VWA2: variants seen among roughly 807,000 people sequenced by gnomAD.
VWA2 encodes the protein von Willebrand factor A domain-containing protein 2.
In VWA2, 73 loss-of-function variants were observed where a neutral mutation model predicts 70.4. The observed-to-expected ratio is 1.04, with a 90% CI of 0.86 to 1.26. The LOEUF (loss-of-function observed/expected upper bound fraction) is 1.26. Among genes scored for constraint, VWA2 ranks in the 50% most tolerant of loss-of-function variants. The pLI, the probability that VWA2 is intolerant of heterozygous loss-of-function variation, is 0.00. For synonymous variants in VWA2, 407 were observed against 423.3 expected, an observed-to-expected ratio of 0.96 and a Z score of 0.47; for missense variants, 1,011 against 998.5, an observed-to-expected ratio of 1.01 and a Z score of -0.17.
intron 1 of VWA2, among the ~76,000 whole-genome samples, chr10:114,243,106 T>C (rs2133275092): frequency 6.6e-6 from 1 of 152,270 alleles, no homozygotes; most frequent in East Asian, 1.9e-4. Flanking sequence ...TGTGTACAAT[T>C]TAAAGCATTT....
intron 8 of VWA2, among the ~76,000 whole-genome samples, chr10:114,282,305 A>C (rs115036328): frequency 2.0e-4 from 30 of 151,890 alleles, no homozygotes; most frequent in African/African-American, 6.8e-4. Flanking sequence ...CTCCCAGCCT[A>C]TTTTTTTTAA....
chr10:114,270,993 CT>C (rs2133358326), intron 5 of VWA2, among the ~76,000 whole-genome samples: 1 of 152,272 alleles, frequency 6.6e-6, no homozygotes, highest in South Asian at 2.1e-4. Flanking sequence ...CATTTAAAAG[CT>C]TTTTCCCCTC....
rs939834634 is a variant in VWA2 at position 114,291,824 on chromosome 10, G to C, written c.*587G>C. Among the ~76,000 whole-genome samples, 1 of 152,230 alleles carries C rather than the reference G, an allele frequency of 6.6e-6. No individual in the cohort carries two copies. Among genetic ancestry groups the C allele is most frequent in the African/African-American group, 2.4e-5 (1 of 41,462 alleles). ...GACTTCTGGCGACTGCCTTTTGTGT[G>C]TGGAAGAGACTTGGAAAGGTCTCAG... is the stretch of plus-strand genomic sequence containing the variant. On this transcript the variant is annotated 3_prime_UTR_variant, in exon 14 of 14. Transcript: ENST00000392982.
At chr10:114,279,601 C>T (rs1285346944) in intron 8 of VWA2, among the ~76,000 whole-genome samples, 1 of 152,180 alleles carries the variant, frequency 6.6e-6, no homozygotes, top group Non-Finnish European at 1.5e-5. Context: ...AAAGGCCAGC[C>T]CCCTACATAA....
chr10:114,284,668 C>T (rs1243919447), intron 9 of VWA2, among the ~76,000 whole-genome samples, 195 bp from the exon 10 acceptor site: 1 of 152,228 alleles, frequency 6.6e-6, no homozygotes, highest in Non-Finnish European at 1.5e-5. Context: ...TCCTTTACCA[C>T]CCGTGCCCAG....
chr10:114,250,831 G>T (rs79633976), intron 2 of VWA2, among the ~76,000 whole-genome samples: 1 of 152,250 alleles, frequency 6.6e-6, no homozygotes, highest in Non-Finnish European at 1.5e-5. Context: ...GCACAGTCCA[G>T]GTTCTGTTCC....
intron 5 of VWA2, among the ~76,000 whole-genome samples, chr10:114,264,168 G>A (rs1341476323): frequency 2.6e-5 from 4 of 152,196 alleles, no homozygotes; most frequent in Non-Finnish European, 5.9e-5. Context: ...TTAAAAACAC[G>A]TGCACACGAA....
chr10:114,254,505 T>A (rs539831670), intron 3 of VWA2, among the ~76,000 whole-genome samples: 3 of 152,096 alleles, frequency 2.0e-5, no homozygotes, highest in Admixed American at 2.0e-4. Context: ...CTCATCAGTA[T>A]CCCTCCACAT....
chr10:114,246,271 C>T (rs1307506502), intron 1 of VWA2: 20 of 682,262 alleles, frequency 2.9e-5, no homozygotes, highest in Admixed American at 8.0e-5. Flanking sequence ...GAGGCCGAGG[C>T]GGTCGTATCA....
chr10:114,266,493 CT>C (rs1448526280), intron 5 of VWA2, among the ~76,000 whole-genome samples: 1 of 152,134 alleles, frequency 6.6e-6, no homozygotes, highest in African/African-American at 2.4e-5. Context: ...GGACACTTGC[CT>C]TTCCAGACCG....
intron 4 of VWA2, among the ~76,000 whole-genome samples, chr10:114,256,322 A>G (rs2037326518): frequency 6.6e-6 from 1 of 152,264 alleles, no homozygotes; most frequent in African/African-American, 2.4e-5. Context: ...AAAACACCAG[A>G]ACAAGTGAAG....
intron 4 of VWA2, among the ~76,000 whole-genome samples, chr10:114,255,817 A>T (rs1488151257): frequency 1.3e-5 from 2 of 152,076 alleles, no homozygotes; most frequent in African/African-American, 4.8e-5. Context: ...AGGAACACAG[A>T]TAGTTCCCAG....
At chr10:114,243,051 C>T (rs975131155) in intron 1 of VWA2, among the ~76,000 whole-genome samples, 1 of 152,166 alleles carries the variant, frequency 6.6e-6, no homozygotes, top group African/African-American at 2.4e-5. Context: ...TGTGTTCTCC[C>T]ACACCTCAGG....
In VWA2 at chr10:114,293,786, T is replaced by G. The variant is rs2039820103; in HGVS notation, c.*2549T>G. 6.6e-6 allele frequency among the ~76,000 whole-genome samples: 1 copy of G among 152,240 alleles called. No homozygotes were observed. Among genetic ancestry groups the G allele is most frequent in the South Asian group, 2.1e-4 (1 of 4,832 alleles). ...TGACTCTTGCTTTTCTAGAGAAATA[T>G]TTCCAAATGATGCTAGTTTTGTCTC... On this transcript the variant is annotated 3_prime_UTR_variant, in exon 14 of 14. Coordinates refer to ENST00000392982, the MANE Select transcript of VWA2 (RefSeq NM_001272046.2).
chr10:114,287,578 G>A (rs532161741), intron 11 of VWA2, among the ~76,000 whole-genome samples: 6 of 152,182 alleles, frequency 3.9e-5, no homozygotes, highest in Non-Finnish European at 8.8e-5. Context: ...TCCCCAAGGC[G>A]AGAGGCTTTC....
intron 4 of VWA2, among the ~76,000 whole-genome samples, chr10:114,259,726 G>T (rs2037404340): frequency 6.6e-6 from 1 of 152,034 alleles, no homozygotes; most frequent in African/African-American, 2.4e-5. Context: ...CCTGGTTTGA[G>T]ATGCCCCTTT....
intron 5 of VWA2, among the ~76,000 whole-genome samples, chr10:114,268,734 G>A (rs540060186): frequency 3.4e-4 from 50 of 145,152 alleles, no homozygotes; most frequent in South Asian, 2.8e-3. Context: ...TCGCTCTGTC[G>A]CTGAGGCTGG....
At chr10:114,284,530 A>G (rs1176879524) in intron 9 of VWA2, among the ~76,000 whole-genome samples, 1 of 152,114 alleles carries the variant, frequency 6.6e-6, no homozygotes, top group Non-Finnish European at 1.5e-5. Context: ...ACAGGGCCCC[A>G]TTGGCACCGC....
At chr10:114,290,441 T>C in intron 13 of VWA2, 76 bp downstream of exon 13, 3 of 1,528,152 alleles carry the variant, frequency 2.0e-6, no homozygotes, top group Non-Finnish European at 2.7e-6. Flanking sequence ...CAAACTCAGC[T>C]GAAGGCAGGT....
Sources: allele counts gnomAD v4.1 joint callset (sites outside exome capture counted in the v4.1 genomes callset), GRCh38; gene constraint gnomAD v4.1.1; transcripts MANE v1.5; gene names NCBI Gene and HGNC (gene_info 2026-07-23, HGNC 2026-07-21).